The following NINL variants were observed in gnomAD, a reference collection of about 807,000 sequenced individuals.
NINL encodes ninein like.
A neutral mutation model predicts 160.3 loss-of-function variants in NINL; 153 were observed. The ratio of observed to expected loss-of-function variants is 0.95; its 90% CI spans 0.84 to 1.09. NINL has a LOEUF of 1.09. NINL is among the 50% of genes least tolerant of loss of function. The pLI, the probability that NINL is intolerant of heterozygous loss-of-function variation, is 0.00. For synonymous variants in NINL, 800 were observed against 734.8 expected, an observed-to-expected ratio of 1.09 and a Z score of -1.43; for missense variants, 1,829 against 1,764.0, an observed-to-expected ratio of 1.04 and a Z score of -0.66.
intron 1 of NINL, among the ~76,000 whole-genome samples, chr20:25,574,024 G>A (rs939375529): frequency 7.2e-5 from 11 of 152,230 alleles, no homozygotes; most frequent in Non-Finnish European, 1.6e-4. Context: ...GGGAAGGAGT[G>A]TGGGGAGTCA....
At chr20:25,475,896 A>G in intron 17 of NINL, 147 bp downstream of exon 17, 1 of 784,696 alleles carries the variant, frequency 1.3e-6, no homozygotes, top group South Asian at 1.8e-5. Context: ...ACCCCTACTC[A>G]GGCTGAAGGG....
intron 17 of NINL, among the ~76,000 whole-genome samples, chr20:25,472,006 A>G (rs556843610): frequency 8.5e-4 from 129 of 152,302 alleles, no homozygotes; most frequent in African/African-American, 3.0e-3. Context: ...AAGTGTTATG[A>G]AATGTTTACA....
At chr20:25,529,228 A>ATGT (rs2064408864) in intron 1 of NINL, among the ~76,000 whole-genome samples, 1 of 152,104 alleles carries the variant, frequency 6.6e-6, no homozygotes, top group African/African-American at 2.4e-5. Flanking sequence ...AGCCATGATC[A>ATGT]CACCATTGCA....
chr20:25,531,945 T>C (rs2064471746), intron 1 of NINL, among the ~76,000 whole-genome samples: 1 of 152,030 alleles, frequency 6.6e-6, no homozygotes, highest in South Asian at 2.1e-4. Context: ...AGGCACAAAA[T>C]GGGGACTCAA....
chr20:25,510,207 C>A (rs1203622282), intron 5 of NINL, among the ~76,000 whole-genome samples: 1 of 152,236 alleles, frequency 6.6e-6, no homozygotes, highest in Non-Finnish European at 1.5e-5. Context: ...GTATTACACT[C>A]CATTTGTGAG....
At chr20:25,465,674 CTG>C (rs775658113) in intron 19 of NINL, among the ~76,000 whole-genome samples, 1 of 152,186 alleles carries the variant, frequency 6.6e-6, no homozygotes, top group Non-Finnish European at 1.5e-5. Context: ...GCCGTCAACG[CTG>C]TGTTTGTCTG....
At chr20:25,576,790 T>A (rs6115214) in intron 1 of NINL, among the ~76,000 whole-genome samples, 1 of 152,060 alleles carries the variant, frequency 6.6e-6, no homozygotes, top group African/African-American at 2.4e-5. Flanking sequence ...AAGTCTACAA[T>A]GATAAGAGTC....
intron 1 of NINL, among the ~76,000 whole-genome samples, chr20:25,535,016 A>G (rs1456045052): frequency 2.0e-5 from 3 of 152,252 alleles, no homozygotes; most frequent in African/African-American, 7.2e-5. Context: ...AGTTAAATCC[A>G]CAGATGTAGA....
intron 13 of NINL, among the ~76,000 whole-genome samples, chr20:25,483,205 G>A (rs1306204303): frequency 2.6e-5 from 4 of 151,458 alleles, no homozygotes; most frequent in Non-Finnish European, 5.9e-5. Context: ...GTGGTGGTGG[G>A]CACCTGTAAT....
At chr20:25,582,567 C>A (rs1041428189) in intron 1 of NINL, among the ~76,000 whole-genome samples, 2 of 152,218 alleles carry the variant, frequency 1.3e-5, no homozygotes, top group Non-Finnish European at 2.9e-5. Flanking sequence ...TTTTATTGCA[C>A]CTGAACTTTA....
chr20:25,458,778 G>C (rs1039567393), intron 21 of NINL: 1 of 498,898 alleles, frequency 2.0e-6, no homozygotes, highest in African/African-American at 2.0e-5. Context: ...AAATGGTGAC[G>C]CTGACCTCCT....
intron 14 of NINL, among the ~76,000 whole-genome samples, chr20:25,481,618 G>C (rs774115443): frequency 2.4e-4 from 37 of 152,312 alleles, no homozygotes; most frequent in Non-Finnish European, 4.4e-4. Flanking sequence ...GTCTGAACAG[G>C]CCTGAGTACT....
At chr20:25,584,468 G>GCAACAACAACAAGAACAA (rs1555880263) in intron 1 of NINL, among the ~76,000 whole-genome samples, 2 of 152,116 alleles carry the variant, frequency 1.3e-5, no homozygotes, top group Non-Finnish European at 2.9e-5. Context: ...TTCAAAAACA[G>GCAACAACAACAAGAACAA]CAACAACAAC....
At chr20:25,543,829 A>G (rs1251814602) in intron 1 of NINL, among the ~76,000 whole-genome samples, 1 of 152,076 alleles carries the variant, frequency 6.6e-6, no homozygotes, top group African/African-American at 2.4e-5. Flanking sequence ...CCATGAGGTG[A>G]GCATGAAGTG....
At chr20:25,531,125 A>G (rs998889430) in intron 1 of NINL, among the ~76,000 whole-genome samples, 26 of 152,210 alleles carry the variant, frequency 1.7e-4, no homozygotes, top group African/African-American at 6.0e-4. Flanking sequence ...GAGAAAAAGA[A>G]TTCAGCGATA....
At chr20:25,574,182 T>A (rs2065088416) in intron 1 of NINL, among the ~76,000 whole-genome samples, 1 of 152,200 alleles carries the variant, frequency 6.6e-6, no homozygotes, top group African/African-American at 2.4e-5. Flanking sequence ...TTTTAGAGCT[T>A]TATGGCACCT....
At chr20:25,579,787 T>C (rs1379083457) in intron 1 of NINL, among the ~76,000 whole-genome samples, 1 of 152,168 alleles carries the variant, frequency 6.6e-6, no homozygotes, top group African/African-American at 2.4e-5. Flanking sequence ...ACTTCAACAA[T>C]GGAGCAGCCC....
chr20:25,476,377 C>G lies in NINL; in HGVS notation c.2914G>C (p.Ala972Pro). The change falls in exon 17 of 24, where the codon GCT becomes CCT. Residue 972 changes from alanine to proline, a missense_variant. Ala to Pro is a conservative substitution (Grantham distance 27). Transcript: ENST00000278886. Reference protein sequence around the residue: ...LRPAASCRGQAERLQAIQEER... With the variant: ...LRPAASCRGQPERLQAIQEER... ...TCCTGAATGGCCTGTAGCCTCTCAGCCTGTCCCCTGCACGAAGCGGCCGGC... is the reference window on the plus strand; with the variant it reads ...TCCTGAATGGCCTGTAGCCTCTCAGGCTGTCCCCTGCACGAAGCGGCCGGC... 6.2e-7 allele frequency: 1 copy of G among 1,611,010 alleles called. No individual in the cohort carries two copies. Among genetic ancestry groups the G allele is most frequent in the Non-Finnish European group, 8.5e-7 (1 of 1,179,622 alleles).
intron 2 of NINL, among the ~76,000 whole-genome samples, chr20:25,519,156 C>G (rs1041928625): frequency 6.6e-6 from 1 of 151,468 alleles, no homozygotes; most frequent in Non-Finnish European, 1.5e-5. Flanking sequence ...ACTGATTACC[C>G]TAAAATTACA....
Sources: gnomAD v4.1 joint callset for allele counts (sites outside exome capture counted in the v4.1 genomes callset) on GRCh38, gnomAD v4.1.1 for gene constraint, MANE v1.5 for transcripts, NCBI Gene and HGNC (gene_info 2026-07-23, HGNC 2026-07-21) for gene names.